The following GFOD1 variants were observed in gnomAD, a reference collection of about 807,000 sequenced individuals.
GFOD1 encodes Gfo/Idh/MocA-like oxidoreductase domain containing 1, also known as glucose-fructose oxidoreductase domain-containing protein 1.
Under a neutral mutation model 25.4 loss-of-function variants are expected in GFOD1, and 9 were observed. The ratio of observed to expected loss-of-function variants is 0.35; its 90% CI spans 0.21 to 0.62. The LOEUF is 0.62. GFOD1 is among the 20% of genes least tolerant of loss of function. GFOD1 has a pLI of 0.72. For missense variants in GFOD1, 403 were observed against 556.9 expected, an observed-to-expected ratio of 0.72 and a Z score of 2.78; for synonymous variants, 253 against 245.6, an observed-to-expected ratio of 1.03 and a Z score of -0.28.
chr6:13,390,953 A>C (rs1298865134), intron 1 of GFOD1, among the ~76,000 whole-genome samples: 1 of 152,222 alleles, frequency 6.6e-6, no homozygotes, highest in Non-Finnish European at 1.5e-5. Context: ...GTTTTTAACC[A>C]GCTGCTGAAA....
At position 13,487,074 on chromosome 6, in the gene GFOD1, T is replaced by A. The variant is rs1584681552; in HGVS notation, c.-184A>T. The A allele has an allele frequency of 7.5e-6, 5 of 663,028 alleles. No individual in the cohort carries two copies. The East Asian group carries it at 1.4e-4, about 19-fold the overall frequency. 41.1% of individuals were successfully genotyped at this position (663,028 alleles called of 1,614,324 possible). ...GCACCGAGCTGCAGGCGGAGCAAGC[T>A]CGGGGCGCCTCAGAACGGTGACTGC... On this transcript the variant is annotated 5_prime_UTR_variant, in exon 1 of 2. Coordinates refer to ENST00000379287, the MANE Select transcript of GFOD1 (RefSeq NM_018988.4). This position sits in a 1 kb window ranked among gnomAD's most constrained non-coding sequence, Gnocchi z 4.9.
At chr6:13,419,763 C>T (rs931392596) in intron 1 of GFOD1, among the ~76,000 whole-genome samples, 6 of 152,198 alleles carry the variant, frequency 3.9e-5, no homozygotes, top group African/African-American at 9.7e-5. Context: ...CCACCCCCTT[C>T]GCACTCACTG....
At chr6:13,398,774 G>A (rs1785786280) in intron 1 of GFOD1, among the ~76,000 whole-genome samples, 1 of 152,174 alleles carries the variant, frequency 6.6e-6, no homozygotes, top group Admixed American at 6.5e-5. Context: ...TTTCCCTCAG[G>A]TCAGGGCTCA....
intron 1 of GFOD1, among the ~76,000 whole-genome samples, chr6:13,396,279 T>C (rs1785728498): frequency 6.6e-6 from 1 of 152,168 alleles, no homozygotes; most frequent in Non-Finnish European, 1.5e-5. Context: ...GATCAGAAAA[T>C]GGAGGCTCTG....
chr6:13,462,392 C>T (rs1204058039), intron 1 of GFOD1, among the ~76,000 whole-genome samples: 2 of 152,214 alleles, frequency 1.3e-5, no homozygotes, highest in Non-Finnish European at 2.9e-5. Context: ...TTGTACCCCA[C>T]CCATCAGAGC....
At chr6:13,434,463 A>C (rs1757801835) in intron 1 of GFOD1, among the ~76,000 whole-genome samples, 2 of 151,238 alleles carry the variant, frequency 1.3e-5, no homozygotes, top group Admixed American at 1.3e-4. Context: ...GGAACACAGA[A>C]GTCAAGTGCA....
intron 1 of GFOD1, among the ~76,000 whole-genome samples, chr6:13,383,246 G>GT (rs1391693007): frequency 6.6e-6 from 1 of 152,192 alleles, no homozygotes; most frequent in Non-Finnish European, 1.5e-5. Context: ...ATCAAATCTT[G>GT]TATTTTCCAC....
chr6:13,458,077 T>C, intron 1 of GFOD1, among the ~76,000 whole-genome samples: 1 of 152,218 alleles, frequency 6.6e-6, no homozygotes. Context: ...TCATCCATAA[T>C]TTTAAACCCT....
intron 1 of GFOD1, among the ~76,000 whole-genome samples, chr6:13,438,203 T>G (rs2127571524): frequency 6.6e-6 from 1 of 152,326 alleles, no homozygotes; most frequent in Non-Finnish European, 1.5e-5. Flanking sequence ...GATTTAGTAT[T>G]GATGAACCCA....
At chr6:13,382,633 G>A (rs545599384) in intron 1 of GFOD1, among the ~76,000 whole-genome samples, 1 of 152,258 alleles carries the variant, frequency 6.6e-6, no homozygotes, top group East Asian at 1.9e-4. Flanking sequence ...GGATTTTCAT[G>A]TAACCATTTA....
intron 1 of GFOD1, among the ~76,000 whole-genome samples, chr6:13,442,481 A>G (rs1480888878): frequency 1.8e-4 from 27 of 152,340 alleles, no homozygotes. Context: ...TAGATGAAAC[A>G]GCCATCTCTT....
At chr6:13,440,448 C>T (rs1757897191) in intron 1 of GFOD1, among the ~76,000 whole-genome samples, 1 of 152,162 alleles carries the variant, frequency 6.6e-6, no homozygotes, top group South Asian at 2.1e-4. Context: ...GCCTCAGCCT[C>T]CCAAAGTGCT....
At chr6:13,440,337 C>T (rs1375243779) in intron 1 of GFOD1, among the ~76,000 whole-genome samples, 2 of 152,028 alleles carry the variant, frequency 1.3e-5, no homozygotes, top group Non-Finnish European at 2.9e-5. Context: ...TATAGGCACC[C>T]ACCACCACGC....
intron 1 of GFOD1, among the ~76,000 whole-genome samples, chr6:13,380,588 G>C (rs776622346): frequency 4.6e-5 from 7 of 152,158 alleles, no homozygotes; most frequent in Non-Finnish European, 7.3e-5. Context: ...TTGCTGGCTG[G>C]CTGGGGTGGC....
chr6:13,440,100 T>C (rs1365231140), intron 1 of GFOD1, among the ~76,000 whole-genome samples: 1 of 152,192 alleles, frequency 6.6e-6, no homozygotes, highest in African/African-American at 2.4e-5. Context: ...TGTTATAGGA[T>C]ATCCAAGCTT....
chr6:13,423,241 T>G (rs1026281904), intron 1 of GFOD1, among the ~76,000 whole-genome samples: 3 of 152,196 alleles, frequency 2.0e-5, no homozygotes, highest in Non-Finnish European at 4.4e-5. Flanking sequence ...TGATTTACAA[T>G]GTTTTGATGT....
At position 13,358,715 on chromosome 6, in the gene GFOD1, C is replaced by T. The variant is rs948260569; in HGVS notation, c.*6028G>A. 4 of 152,294 alleles carry T rather than the reference C, an allele frequency of 2.6e-5. No homozygotes were observed. Among genetic ancestry groups the T allele is most frequent in the African/African-American group, 9.6e-5 (4 of 41,464 alleles). 9.4% of individuals were successfully genotyped at this position (152,294 alleles called of 1,614,324 possible). ...GGTGGCTGCAGGGGACAGTAGAGAC[C>T]TGGAAGGGGAAGGAGAGAGACAGTG... is the stretch of plus-strand genomic sequence containing the variant. On this transcript the variant is annotated 3_prime_UTR_variant, in exon 2 of 2. Transcript: ENST00000379287.
chr6:13,450,095 T>C (rs1758069013), intron 1 of GFOD1, among the ~76,000 whole-genome samples: 2 of 152,148 alleles, frequency 1.3e-5, no homozygotes, highest in Non-Finnish European at 2.9e-5. Flanking sequence ...CCTGAGAATT[T>C]CCTCCATATT....
intron 1 of GFOD1, among the ~76,000 whole-genome samples, chr6:13,437,324 A>G: frequency 6.6e-6 from 1 of 152,150 alleles, no homozygotes; most frequent in East Asian, 1.9e-4. Flanking sequence ...TGTAGGAGAC[A>G]GGCTTGAGTA....
Sources: allele counts gnomAD v4.1 joint callset (sites outside exome capture counted in the v4.1 genomes callset), GRCh38; gene constraint gnomAD v4.1.1; non-coding constraint Gnocchi (gnomAD v3.1); transcripts MANE v1.5; gene names NCBI Gene and HGNC (gene_info 2026-07-23, HGNC 2026-07-21).